Variants in BACE2 observed in about 807,000 individuals in gnomAD.
BACE2 encodes the protein beta-secretase 2.
Under a neutral mutation model 46.2 loss-of-function variants are expected in BACE2, and 17 were observed. That is an observed-to-expected ratio of 0.37 (90% confidence interval 0.25 to 0.55). The LOEUF (loss-of-function observed/expected upper bound fraction) is 0.55. BACE2 is among the 20% of genes least tolerant of loss of function. BACE2 has a pLI of 0.82. For synonymous variants in BACE2, 277 were observed against 295.9 expected (o/e 0.94, Z 0.66); for missense variants, 595 against 698.1 (o/e 0.85, Z 1.66).
At chr21:41,239,623 T>C (rs1023967641) in intron 3 of BACE2, among the ~76,000 whole-genome samples, 2 of 152,154 alleles carry the variant, frequency 1.3e-5, no homozygotes, top group Non-Finnish European at 2.9e-5. Context: ...AGTGATCCAT[T>C]CACATCAGCC....
intron 8 of BACE2, among the ~76,000 whole-genome samples, chr21:41,270,709 A>C (rs1290337388): frequency 6.6e-6 from 1 of 152,218 alleles, no homozygotes; most frequent in Non-Finnish European, 1.5e-5. Context: ...AAATTTATTG[A>C]AACTTATTTC....
chr21:41,238,437 A>G (rs1241460197), intron 3 of BACE2, among the ~76,000 whole-genome samples: 1 of 152,218 alleles, frequency 6.6e-6, no homozygotes, highest in African/African-American at 2.4e-5. Flanking sequence ...ACCTGGAGGC[A>G]TTGCCAAAGG....
At chr21:41,218,895 G>A (rs112097565) in intron 1 of BACE2, among the ~76,000 whole-genome samples, 39,118 of 146,726 alleles carry the variant, frequency 0.27, 5,715 homozygotes, top group Non-Finnish European at 0.33. Context: ...ACAGAGTCTC[G>A]CTCTGTCACC....
intron 1 of BACE2, among the ~76,000 whole-genome samples, chr21:41,198,350 A>G (rs927005910): frequency 2.0e-5 from 3 of 152,154 alleles, no homozygotes; most frequent in Non-Finnish European, 4.4e-5. Flanking sequence ...GTCACTTGTC[A>G]CTGAGAATTC....
chr21:41,267,468 G>A (rs2088390281), intron 8 of BACE2, among the ~76,000 whole-genome samples: 1 of 152,164 alleles, frequency 6.6e-6, no homozygotes, highest in African/African-American at 2.4e-5. Context: ...TTTATAGATT[G>A]AGACATTTAG....
intron 6 of BACE2, 108 bp from the exon 7 acceptor site, chr21:41,250,644 T>C (rs1987609727): frequency 3.1e-6 from 3 of 952,622 alleles, no homozygotes; most frequent in East Asian, 2.4e-5. Flanking sequence ...AAATTAAACA[T>C]TGTTTATCCC....
At chr21:41,212,512 A>G (rs989509173) in intron 1 of BACE2, among the ~76,000 whole-genome samples, 5 of 152,134 alleles carry the variant, frequency 3.3e-5, no homozygotes, top group Non-Finnish European at 5.9e-5. Flanking sequence ...GGGGGCAGGA[A>G]AGTGAGGTAG....
intron 2 of BACE2, among the ~76,000 whole-genome samples, chr21:41,232,020 CTTT>C (rs34868132): frequency 3.8e-4 from 54 of 140,652 alleles, no homozygotes; most frequent in Admixed American, 1.3e-3. Flanking sequence ...TGAGAATTAC[CTTT>C]TTTTTTTTTT....
In BACE2 at chr21:41,168,334, T is replaced by C. The variant is rs898900419; in HGVS notation, c.71T>C (p.Leu24Pro). The change falls in exon 1 of 9, where the codon CTG (leucine) becomes CCG (proline). Residue 24 changes from leucine to proline, a missense_variant. By Grantham distance (98) the Leu-to-Pro change is moderately conservative. Around this residue, in one of 3 missense-constraint regions of BACE2, gnomAD observed 248 missense variants for 261.4 expected, o/e 0.95. Transcript: ENST00000330333. ...TGGCTCCTGCGCGCCGCCCCGGAGCTGGCCCCCGCGCCCTTCACGCTGCCC... is the reference window on the plus strand; with the variant it reads ...TGGCTCCTGCGCGCCGCCCCGGAGCCGGCCCCCGCGCCCTTCACGCTGCCC... ...AQWLLRAAPELAPAPFTLPLR... is the reference protein window; with the variant it reads ...AQWLLRAAPEPAPAPFTLPLR... 1.0e-4 allele frequency: 141 copies of C among 1,358,638 alleles called. No homozygotes were observed. The highest frequency in any genetic ancestry group is 1.3e-4 in the Non-Finnish European group (132 of 1,053,444). The allele number at this position is 1,358,638 out of a possible 1,614,324, so 84.2% of individuals were successfully genotyped here.
At chr21:41,232,271 G>A (rs771843585) in intron 2 of BACE2, among the ~76,000 whole-genome samples, 9 of 152,126 alleles carry the variant, frequency 5.9e-5, no homozygotes, top group Admixed American at 2.0e-4. Context: ...TTTAGACACC[G>A]GTTGCACAAG....
At chr21:41,237,274 C>T (rs1166263241) in intron 2 of BACE2, among the ~76,000 whole-genome samples, 1 of 151,968 alleles carries the variant, frequency 6.6e-6, no homozygotes, top group South Asian at 2.1e-4. Flanking sequence ...GGTGAAACCC[C>T]GTCTCTACTA....
chr21:41,202,726 C>G (rs113415009), intron 1 of BACE2, among the ~76,000 whole-genome samples: 3,420 of 152,274 alleles, frequency 0.022, 128 homozygotes, highest in African/African-American at 0.078. Flanking sequence ...CCTCTGCATG[C>G]TGATAGACAG....
At chr21:41,231,652 C>T (rs1254176545) in intron 2 of BACE2, among the ~76,000 whole-genome samples, 2 of 152,172 alleles carry the variant, frequency 1.3e-5, no homozygotes, top group Non-Finnish European at 2.9e-5. Context: ...TTATCAGAGG[C>T]AGAACATCTT....
At chr21:41,205,444 T>G (rs1986094892) in intron 1 of BACE2, among the ~76,000 whole-genome samples, 1 of 152,244 alleles carries the variant, frequency 6.6e-6, no homozygotes, top group Non-Finnish European at 1.5e-5. Flanking sequence ...TTGGCTAAAA[T>G]GTGGTAAAAT....
At chr21:41,202,406 C>T (rs1190274815) in intron 1 of BACE2, among the ~76,000 whole-genome samples, 1 of 152,214 alleles carries the variant, frequency 6.6e-6, no homozygotes, top group Non-Finnish European at 1.5e-5. Flanking sequence ...AAACATTCTA[C>T]ACTCAACAAG....
rs568812132 is a variant in BACE2 at position 41,201,222 on chromosome 21, A to G, written c.313-25044A>G. Among the ~76,000 whole-genome samples the G allele has an allele frequency of 2.0e-5, 3 of 152,354 alleles. 1 individual carries two copies. The South Asian group carries it at 6.2e-4, about 32-fold the overall frequency. The stretch of plus-strand genomic sequence containing the variant: ...CAGTCTTTTGTTCTTTGGTAAATGC[A>G]TATAACAGACACATACTTAGTATCC... On this transcript the variant is annotated intron_variant, in intron 1 of 8. Coordinates refer to ENST00000330333, the MANE Select transcript of BACE2 (RefSeq NM_012105.5).
intron 1 of BACE2, chr21:41,179,897 G>A (rs1234808505): frequency 5.3e-6 from 2 of 377,896 alleles, no homozygotes; most frequent in Admixed American, 3.8e-5. Context: ...TGCAGGACAG[G>A]CGAGCCCTAA....
chr21:41,206,387 G>A (rs1014377242), intron 1 of BACE2, among the ~76,000 whole-genome samples: 7 of 152,280 alleles, frequency 4.6e-5, no homozygotes, highest in Admixed American at 3.9e-4. Context: ...TTGGGGATTA[G>A]GATTGCAACA....
intron 8 of BACE2, among the ~76,000 whole-genome samples, chr21:41,265,360 T>C (rs754455157): frequency 1.1e-4 from 17 of 152,234 alleles, no homozygotes; most frequent in Admixed American, 7.2e-4. Context: ...ATTATTAGAA[T>C]TGCTGAGTTA....
Sources: allele counts gnomAD v4.1 joint callset (sites outside exome capture counted in the v4.1 genomes callset), GRCh38; gene constraint gnomAD v4.1.1; regional missense constraint gnomAD v4.1.1; transcripts MANE v1.5; gene names NCBI Gene and HGNC (gene_info 2026-07-23, HGNC 2026-07-21).